Variants in TMC2 observed in about 807,000 individuals in gnomAD.
TMC2 encodes the protein transmembrane channel-like protein 2.
In TMC2, 102 loss-of-function variants were observed where a neutral mutation model predicts 105.9. The ratio of observed to expected loss-of-function variants is 0.96; its 90% CI spans 0.82 to 1.14. TMC2 has a LOEUF of 1.14. Among genes scored for constraint, TMC2 ranks in the 50% most tolerant of loss-of-function variants. The probability of loss-of-function intolerance (pLI) is 0.00; values close to 1 mark genes in which losing one functional copy is unlikely to be tolerated. For missense variants in TMC2, 1,093 were observed against 1,134.3 expected (o/e 0.96, Z 0.52); for synonymous variants, 402 against 422.8 (o/e 0.95, Z 0.60).
At chr20:2,588,903 A>G (rs1433151630) in intron 7 of TMC2, among the ~76,000 whole-genome samples, 1 of 152,042 alleles carries the variant, frequency 6.6e-6, no homozygotes, top group Admixed American at 6.5e-5. Context: ...AATTTCGATG[A>G]TCACATGCTT....
chr20:2,560,187 C>T (rs2122830477), intron 3 of TMC2, among the ~76,000 whole-genome samples: 1 of 152,050 alleles, frequency 6.6e-6, no homozygotes, highest in Admixed American at 6.6e-5. Context: ...GACTGAATGT[C>T]CAACACCCCA....
At chr20:2,611,126 C>A (rs766580587) in intron 12 of TMC2, among the ~76,000 whole-genome samples, 1 of 152,164 alleles carries the variant, frequency 6.6e-6, no homozygotes, top group African/African-American at 2.4e-5. Context: ...GGCAGCATGG[C>A]AGTGCACAGG....
Position 2,537,271 on chromosome 20 carries a change from C to T in TMC2, c.37C>T (p.Arg13Ter), listed in dbSNP as rs1181131689. 27 of 1,602,518 alleles carry T rather than the reference C, an allele frequency of 1.7e-5. No homozygotes were observed. In the East Asian group the frequency reaches 1.8e-4, roughly 11 times the overall value. Residue 13 changes from arginine (R) to a stop codon, truncating the protein, a stop_gained and splice_region_variant, in exon 2 of 20, where the codon CGA becomes TGA. Transcript: ENST00000358864. LOFTEE classifies it high-confidence loss of function. ...HQVKGLKEEA[R>*]GGVKGRVKSG... The stretch of plus-strand genomic sequence containing the variant: ...GTCAGCAATCCTGTCTCTTACAGCA[C>T]GAGGCGGAGTGAAAGGGCGGGTGAA...
chr20:2,612,800 G>A (rs943531893), intron 13 of TMC2, among the ~76,000 whole-genome samples: 1 of 152,244 alleles, frequency 6.6e-6, no homozygotes, highest in Non-Finnish European at 1.5e-5. Context: ...AGTGGGGGCA[G>A]CTGGCACTTC....
intron 18 of TMC2, among the ~76,000 whole-genome samples, chr20:2,637,085 T>TA (rs1243316321): frequency 1.4e-4 from 21 of 151,842 alleles, no homozygotes; most frequent in African/African-American, 5.1e-4. Flanking sequence ...CAGTTTAAGA[T>TA]AGACACCAAG....
intron 16 of TMC2, among the ~76,000 whole-genome samples, chr20:2,623,886 T>C (rs1002890552): frequency 6.6e-6 from 1 of 152,228 alleles, no homozygotes; most frequent in Admixed American, 6.5e-5. Flanking sequence ...TCTGCAGAAC[T>C]GTTTCCCAGG....
intron 5 of TMC2, among the ~76,000 whole-genome samples, chr20:2,575,711 C>T (rs1297117480): frequency 6.6e-6 from 1 of 151,944 alleles, no homozygotes; most frequent in East Asian, 1.9e-4. Flanking sequence ...TTGCCTCCCC[C>T]CACCCCCATC....
intron 4 of TMC2, among the ~76,000 whole-genome samples, chr20:2,568,687 G>A (rs887705173): frequency 7.9e-5 from 12 of 152,164 alleles, no homozygotes; most frequent in Admixed American, 7.2e-4. Flanking sequence ...TGAATATTGT[G>A]AAACCATTCT....
rs1022947651 is a variant in TMC2, at chr20:2,594,709, C to T, written c.934-116C>T. The stretch of plus-strand genomic sequence containing the variant: ...ACAAGAACATCTGGAACTCTTCCTT[C>T]GGCCCTTAGATTCGGTTAAGACTCT... On this transcript the variant is annotated intron_variant, in intron 8 of 19. Coordinates refer to ENST00000358864, the MANE Select transcript of TMC2 (RefSeq NM_080751.3). The T allele has an allele frequency of 2.9e-5, 32 of 1,107,890 alleles. No individual in the cohort carries two copies. The African/African-American group carries it at 3.1e-4, about 11-fold the overall frequency. The allele number at this position is 1,107,890 out of a possible 1,614,324, so 68.6% of individuals were successfully genotyped here.
At chr20:2,566,881 C>G (rs1388752181) in intron 4 of TMC2, among the ~76,000 whole-genome samples, 1 of 152,232 alleles carries the variant, frequency 6.6e-6, no homozygotes, top group African/African-American at 2.4e-5. Context: ...TCTGCTATTT[C>G]TGGCCAAAGG....
rs773143741 is a variant in TMC2 at position 2,572,223 on chromosome 20, A to C, written c.599A>C (p.Lys200Thr). 5.5e-5 allele frequency: 89 copies of C among 1,613,462 alleles called. No homozygotes were observed. The highest frequency in any genetic ancestry group is 7.0e-5 in the Non-Finnish European group (83 of 1,179,830). ...FVEKYEGALGKGKGKQLYAYK... is the reference protein window; with the variant it reads ...FVEKYEGALGTGKGKQLYAYK... ...GAGAAGTATGAAGGTGCCTTGGGAA[A>C]GGGGAAAGGCAAGCAACTATATGCC... The change falls in exon 5 of 20, where the codon AAG (lysine) becomes ACG (threonine). Residue 200 changes from lysine (K) to threonine (T), a missense_variant. Transcript: ENST00000358864.
chr20:2,635,454 C>A (rs540866216), intron 17 of TMC2, among the ~76,000 whole-genome samples: 2 of 152,328 alleles, frequency 1.3e-5, no homozygotes, highest in African/African-American at 2.4e-5. Context: ...AATTATTTAA[C>A]CTCACTGAGT....
intron 7 of TMC2, among the ~76,000 whole-genome samples, chr20:2,584,436 T>C (rs1163249974): frequency 7.8e-6 from 1 of 128,876 alleles, no homozygotes; most frequent in Admixed American, 8.1e-5. Flanking sequence ...AGAGCGAGAC[T>C]CCGTCTCAAA....
intron 4 of TMC2, among the ~76,000 whole-genome samples, chr20:2,564,983 T>G (rs1242860910): frequency 5.3e-5 from 8 of 152,298 alleles, no homozygotes; most frequent in East Asian, 3.9e-4. Flanking sequence ...CTGCCACCTC[T>G]CCTTGCTAAC....
chr20:2,540,305 CA>C (rs1343531306), intron 2 of TMC2, among the ~76,000 whole-genome samples: 1 of 151,878 alleles, frequency 6.6e-6, no homozygotes, highest in Non-Finnish European at 1.5e-5. Flanking sequence ...CTTTTCAATG[CA>C]CCTATGCCAG....
intron 13 of TMC2, 42 bp downstream of exon 13, chr20:2,612,382 G>A (rs775235869): frequency 1.4e-6 from 2 of 1,456,580 alleles, no homozygotes; most frequent in Admixed American, 2.2e-5. Flanking sequence ...CCTGTTCTCA[G>A]TTCTTTGTTA....
At position 2,536,647 on chromosome 20, in the gene TMC2, A is replaced by T. The variant is rs369957491; in HGVS notation, c.26A>T (p.Lys9Ile). 1.4e-5 allele frequency: 22 copies of T among 1,575,814 alleles called. No homozygotes were observed. In the African/African-American group the frequency reaches 2.8e-4, roughly 20 times the overall value. Reference protein sequence around the residue: MSHQVKGLKEEARGGVKGR... With the variant: MSHQVKGLIEEARGGVKGR... ...ATGAGCCACCAGGTAAAGGGCCTGAAAGAGGAAGGTGAGTCCACGTCCTGA... is the reference window on the plus strand; with the variant it reads ...ATGAGCCACCAGGTAAAGGGCCTGATAGAGGAAGGTGAGTCCACGTCCTGA... Residue 9 changes from lysine (K) to isoleucine (I), a missense_variant, in exon 1 of 20, where the codon AAA (lysine) becomes ATA (isoleucine). By Grantham distance (102) the Lys-to-Ile change is moderately radical (BLOSUM62 -3). Transcript: ENST00000358864.
At chr20:2,601,931 A>G (rs183965175) in intron 10 of TMC2, among the ~76,000 whole-genome samples, 182 bp from the exon 11 acceptor site, 29 of 152,356 alleles carry the variant, frequency 1.9e-4, no homozygotes, top group Admixed American at 7.8e-4. Context: ...CTGGAATAGC[A>G]ATAACAACAA....
At chr20:2,537,626 G>A (rs1230003817) in intron 2 of TMC2, among the ~76,000 whole-genome samples, 4 of 151,190 alleles carry the variant, frequency 2.6e-5, no homozygotes, top group South Asian at 4.1e-4. Context: ...GGCTTCTGGC[G>A]GGTGGTGTGG....
Sources: allele counts gnomAD v4.1 joint callset (sites outside exome capture counted in the v4.1 genomes callset), GRCh38; gene constraint gnomAD v4.1.1; transcripts MANE v1.5; gene names NCBI Gene and HGNC (gene_info 2026-07-23, HGNC 2026-07-21).